Variants in PAWR observed in about 807,000 individuals in gnomAD.
The protein encoded by PAWR is PRKC apoptosis WT1 regulator protein.
In PAWR, 23 loss-of-function variants were observed where a neutral mutation model predicts 32.0. That is an observed-to-expected ratio of 0.72 (90% CI 0.52 to 1.02). The LOEUF (loss-of-function observed/expected upper bound fraction) is 1.02. PAWR is among the 50% of genes least tolerant of loss of function. The pLI, the probability that PAWR is intolerant of heterozygous loss-of-function variation, is 0.00. For missense variants in PAWR, 457 were observed against 437.7 expected (o/e 1.04, Z -0.39); for synonymous variants, 226 against 187.1 (o/e 1.21, Z -1.70).
chr12:79,616,788 G>A (rs993515789), intron 3 of PAWR, among the ~76,000 whole-genome samples: 31 of 151,996 alleles, frequency 2.0e-4, no homozygotes, highest in Admixed American at 1.6e-3. Flanking sequence ...TTTCCACACT[G>A]CTAGCTTGAT....
chr12:79,672,129 C>T (rs1166385515), intron 2 of PAWR, among the ~76,000 whole-genome samples: 1 of 152,128 alleles, frequency 6.6e-6, no homozygotes, highest in African/African-American at 2.4e-5. Flanking sequence ...TACCTCCCAC[C>T]TGGTCACTCT....
chr12:79,678,773 G>T (rs1182731246), intron 2 of PAWR, among the ~76,000 whole-genome samples: 3 of 151,666 alleles, frequency 2.0e-5, no homozygotes, highest in African/African-American at 7.3e-5. Flanking sequence ...TTCACTTGGA[G>T]AATCTTTCTT....
intron 2 of PAWR, among the ~76,000 whole-genome samples, chr12:79,652,735 A>T (rs1047296930): frequency 3.3e-5 from 5 of 152,230 alleles, no homozygotes; most frequent in African/African-American, 1.2e-4. Flanking sequence ...GGAGGATTTA[A>T]ATTAATTTGT....
intron 2 of PAWR, among the ~76,000 whole-genome samples, chr12:79,650,802 C>A (rs762309060): frequency 9.3e-5 from 14 of 150,828 alleles, no homozygotes; most frequent in Non-Finnish European, 1.8e-4. Context: ...GATCCCTGTG[C>A]TAAAATCAAG....
At chr12:79,608,461 G>T (rs899092164) in intron 4 of PAWR, among the ~76,000 whole-genome samples, 1 of 152,136 alleles carries the variant, frequency 6.6e-6, no homozygotes, top group Non-Finnish European at 1.5e-5. Flanking sequence ...TGCTGATCTG[G>T]CAGGAAGCAA....
intron 3 of PAWR, among the ~76,000 whole-genome samples, chr12:79,616,721 T>C (rs1874755047): frequency 6.9e-6 from 1 of 145,776 alleles, no homozygotes; most frequent in Admixed American, 6.8e-5. Flanking sequence ...GTTGTTTGGG[T>C]TTTTTTTTTA....
intron 5 of PAWR, among the ~76,000 whole-genome samples, chr12:79,594,932 G>GT (rs1042484965): frequency 6.6e-6 from 1 of 152,198 alleles, no homozygotes; most frequent in African/African-American, 2.4e-5. Flanking sequence ...GCCCAGGCTG[G>GT]TCTCGAACTC....
In PAWR at chr12:79,655,126, T is replaced by C. The variant is rs550647057; in HGVS notation, c.517-33919A>G. On this transcript the variant is annotated intron_variant, in intron 2 of 6. Transcript: ENST00000328827. ...GCATCTCTTTTAGTTTTCTAATGCA[T>C]TGCCTGGAGGCTTGTTAAGAATAGA... Among the ~76,000 whole-genome samples, 4 of 152,320 alleles carry C rather than the reference T, an allele frequency of 2.6e-5. No individual in the cohort carries two copies. The South Asian group carries it at 8.3e-4, about 32-fold the overall frequency.
chr12:79,647,192 A>G (rs910469401), intron 2 of PAWR, among the ~76,000 whole-genome samples: 9 of 150,878 alleles, frequency 6.0e-5, no homozygotes, highest in East Asian at 3.9e-4. Context: ...AAAAAAAAAG[A>G]AAAGGAAAGA....
intron 2 of PAWR, among the ~76,000 whole-genome samples, chr12:79,660,185 A>T (rs59252870): frequency 0.011 from 1,684 of 152,306 alleles, 41 homozygotes; most frequent in African/African-American, 0.038. Context: ...AAAGTCTCTT[A>T]CAAATTTATC....
Position 79,585,719 on chromosome 12 carries a change from TTTTA to T in PAWR, c.*6884_*6887del, listed in dbSNP as rs1336041730. 2.0e-5 allele frequency: 3 copies of T among 152,418 alleles called. No individual in the cohort carries two copies. The highest frequency in any genetic ancestry group is 7.2e-5 in the African/African-American group (3 of 41,434). 9.4% of individuals were successfully genotyped at this position (152,418 alleles called of 1,614,324 possible). On this transcript the variant is annotated 3_prime_UTR_variant, in exon 7 of 7. Coordinates refer to ENST00000328827, the MANE Select transcript of PAWR (RefSeq NM_002583.4). ...GCTTCATTGAAACTATATTGATTAT[TTTTA>T]TTTTTGAGGTAGAGTCTTGCTCTGT...
rs535568344 is a variant in PAWR at position 79,593,039 on chromosome 12, A to C, written c.937-346T>G. Among the ~76,000 whole-genome samples, 283 of 145,378 alleles carry C rather than the reference A, an allele frequency of 1.9e-3. 1 individual carries two copies. The highest frequency in any genetic ancestry group is 3.1e-3 in the Admixed American group (45 of 14,446). On this transcript the variant is annotated intron_variant, in intron 6 of 6. Coordinates refer to ENST00000328827, the MANE Select transcript of PAWR (RefSeq NM_002583.4). ...CACTTCCCCTCCCTAAAACTGAGGC[A>C]AAAAAAAAAACTACCCATGCAAGCC...
chr12:79,645,985 A>C (rs985742038), intron 2 of PAWR, among the ~76,000 whole-genome samples: 4 of 152,198 alleles, frequency 2.6e-5, no homozygotes, highest in African/African-American at 9.6e-5. Flanking sequence ...ATTATCTTCA[A>C]CCATTTTTAA....
intron 3 of PAWR, 97 bp from the exon 4 acceptor site, chr12:79,613,706 G>T: frequency 1.8e-6 from 1 of 570,536 alleles, no homozygotes; most frequent in South Asian, 3.7e-5. Flanking sequence ...ATTTTAAAAA[G>T]ACCAACTTGA....
At chr12:79,668,807 G>C (rs747333834) in intron 2 of PAWR, among the ~76,000 whole-genome samples, 6 of 152,164 alleles carry the variant, frequency 3.9e-5, no homozygotes, top group Non-Finnish European at 5.9e-5. Context: ...ACAAGTCATG[G>C]ACCAGTACGG....
chr12:79,623,985 AG>A (rs1875157270), intron 2 of PAWR, among the ~76,000 whole-genome samples: 1 of 152,130 alleles, frequency 6.6e-6, no homozygotes, highest in Admixed American at 6.6e-5. Context: ...TTTAATGAAC[AG>A]TAGGAGAAGC....
Position 79,656,654 on chromosome 12 carries a change from T to G in PAWR, c.516+33075A>C, listed in dbSNP as rs146193001. Among the ~76,000 whole-genome samples the G allele has an allele frequency of 4.1e-3, 622 of 152,308 alleles. 12 individuals are homozygous for G. Among genetic ancestry groups the G allele is most frequent in the African/African-American group, 0.014 (591 of 41,562 alleles). ...GGTCTCAAGCTCAAGAGGAAAATAT[T>G]GACTGGAAATATAGATTAGTAAATT... On this transcript the variant is annotated intron_variant, in intron 2 of 6. Transcript: ENST00000328827.
chr12:79,669,493 T>A (rs1877778783), intron 2 of PAWR, among the ~76,000 whole-genome samples: 1 of 152,126 alleles, frequency 6.6e-6, no homozygotes. Flanking sequence ...GAAATATATT[T>A]AAAAAAACTC....
At chr12:79,663,143 G>C (rs1457068403) in intron 2 of PAWR, among the ~76,000 whole-genome samples, 1 of 152,138 alleles carries the variant, frequency 6.6e-6, no homozygotes, top group Non-Finnish European at 1.5e-5. Flanking sequence ...GAATGCATAA[G>C]GTGTTCAGTA....
Sources: allele counts gnomAD v4.1 joint callset (sites outside exome capture counted in the v4.1 genomes callset), GRCh38; gene constraint gnomAD v4.1.1; transcripts MANE v1.5; gene names NCBI Gene and HGNC (gene_info 2026-07-23, HGNC 2026-07-21).